Variants in SPAG16 observed in about 807,000 individuals in gnomAD.
The protein encoded by SPAG16 is sperm-associated antigen 16 protein.
In SPAG16, 86 loss-of-function variants were observed where a neutral mutation model predicts 80.4. That is an observed-to-expected ratio of 1.07 (90% CI 0.90 to 1.28). The LOEUF (loss-of-function observed/expected upper bound fraction) is 1.28. SPAG16 is among the 50% of genes most tolerant of loss of function. The probability of loss-of-function intolerance (pLI) is 0.00; values close to 1 mark genes in which losing one functional copy is unlikely to be tolerated. For missense variants in SPAG16, 870 were observed against 765.3 expected, an observed-to-expected ratio of 1.14 and a Z score of -1.61; for synonymous variants, 294 against 265.9, an observed-to-expected ratio of 1.11 and a Z score of -1.03.
chr2:213,997,799 C>A (rs1369739798), intron 12 of SPAG16, among the ~76,000 whole-genome samples: 1 of 152,104 alleles, frequency 6.6e-6, no homozygotes, highest in East Asian at 1.9e-4. Context: ...TTATGTTGGA[C>A]CACATTCAGA....
At chr2:214,373,273 G>C (rs1699928309) in intron 15 of SPAG16, among the ~76,000 whole-genome samples, 1 of 152,090 alleles carries the variant, frequency 6.6e-6, no homozygotes, top group Non-Finnish European at 1.5e-5. Flanking sequence ...AAAGATAATA[G>C]GGCAGTGCTA....
intron 11 of SPAG16, among the ~76,000 whole-genome samples, chr2:213,889,477 A>AGTAATGCT: frequency 6.6e-6 from 1 of 151,608 alleles, no homozygotes; most frequent in East Asian, 1.9e-4. Flanking sequence ...TAGGGGAAAT[A>AGTAATGCT]GTAATGCTGA....
intron 13 of SPAG16, among the ~76,000 whole-genome samples, chr2:214,103,053 G>C: frequency 6.6e-6 from 1 of 152,098 alleles, no homozygotes; most frequent in East Asian, 1.9e-4. Flanking sequence ...AGTGTGTTTA[G>C]GGAGGTATAT....
chr2:213,847,540 G>A (rs946958856), intron 10 of SPAG16, among the ~76,000 whole-genome samples: 3 of 152,144 alleles, frequency 2.0e-5, no homozygotes, highest in African/African-American at 7.2e-5. Context: ...AGCTCACTTA[G>A]CACCAAAGGG....
rs942646082 is a variant in SPAG16, at chr2:213,293,785, G to A, written c.137-2279G>A. 1.6e-4 allele frequency among the ~76,000 whole-genome samples: 24 copies of A among 152,202 alleles called. No homozygotes were observed. In the East Asian group the frequency reaches 2.9e-3, roughly 18 times the overall value. ...AAATGCTTATTGTTCCTTTTTCAGC[G>A]TTATTGAGTTGTAATTGACAACATT... On this transcript the variant is annotated intron_variant, in intron 1 of 15. Transcript: ENST00000331683.
intron 11 of SPAG16, among the ~76,000 whole-genome samples, chr2:213,926,485 C>T (rs917571527): frequency 1.1e-4 from 16 of 152,204 alleles, no homozygotes; most frequent in East Asian, 3.9e-4. Context: ...TGAGTGAGAA[C>T]ATATCATGTT....
At chr2:214,359,330 A>G (rs563885659) in intron 15 of SPAG16, among the ~76,000 whole-genome samples, 1 of 151,984 alleles carries the variant, frequency 6.6e-6, no homozygotes, top group East Asian at 1.9e-4. Flanking sequence ...CTGACTGCAG[A>G]TCCTATACCC....
chr2:214,108,214 C>T lies in SPAG16; in HGVS notation c.1546C>T (p.Leu516Phe). The T allele has an allele frequency of 6.3e-7, 1 of 1,599,138 alleles. No individual in the cohort carries two copies. The highest frequency in any genetic ancestry group is 8.6e-7 in the Non-Finnish European group (1 of 1,169,154). ...DARTGICEQS[L>F]YGHMHSINDA... ...TTCCTAGGGTATATGTGAGCAGTCA[C>T]TTTATGGTCACATGCATTCTATCAA... is the stretch of plus-strand genomic sequence containing the variant. The change falls in exon 14 of 16, where the codon CTT becomes TTT. Residue 516 changes from leucine (L) to phenylalanine (F), a missense_variant. By Grantham distance (22) the Leu-to-Phe change is conservative. Transcript: ENST00000331683.
chr2:214,324,641 G>T (rs1696345496), intron 15 of SPAG16, among the ~76,000 whole-genome samples: 1 of 152,066 alleles, frequency 6.6e-6, no homozygotes, highest in Non-Finnish European at 1.5e-5. Context: ...CCACGTCTGT[G>T]TAGCATCTCC....
chr2:213,587,322 T>C (rs2060508154), intron 10 of SPAG16, among the ~76,000 whole-genome samples: 1 of 152,150 alleles, frequency 6.6e-6, no homozygotes, highest in South Asian at 2.1e-4. Context: ...GAGCTGGTAC[T>C]TGGGTCAGCT....
At chr2:213,892,615 A>G (rs2076828050) in intron 11 of SPAG16, among the ~76,000 whole-genome samples, 1 of 152,158 alleles carries the variant, frequency 6.6e-6, no homozygotes, top group South Asian at 2.1e-4. Context: ...AGAGATTAAA[A>G]TAATTAAAAA....
chr2:214,263,230 C>T (rs1691309196), intron 15 of SPAG16, among the ~76,000 whole-genome samples: 1 of 152,082 alleles, frequency 6.6e-6, no homozygotes, highest in African/African-American at 2.4e-5. Flanking sequence ...GGTGCAATGA[C>T]CCCACACATG....
intron 13 of SPAG16, among the ~76,000 whole-genome samples, chr2:214,021,930 T>G (rs2047888663): frequency 6.6e-6 from 1 of 152,106 alleles, no homozygotes; most frequent in Non-Finnish European, 1.5e-5. Flanking sequence ...TACTATTTCA[T>G]CTGCCTGACA....
At chr2:213,299,304 T>C (rs1264017606) in intron 3 of SPAG16, among the ~76,000 whole-genome samples, 2 of 151,836 alleles carry the variant, frequency 1.3e-5, no homozygotes, top group Non-Finnish European at 2.9e-5. Context: ...TCTTATGATT[T>C]CCTTTTTTTT....
At chr2:214,402,363 G>A (rs770444804) in intron 15 of SPAG16, among the ~76,000 whole-genome samples, 13 of 151,804 alleles carry the variant, frequency 8.6e-5, no homozygotes, top group Admixed American at 4.6e-4. Context: ...ATTGACAACC[G>A]AGGTCCAATA....
intron 15 of SPAG16, among the ~76,000 whole-genome samples, chr2:214,151,251 ATTG>A (rs1164621046): frequency 6.6e-6 from 1 of 152,094 alleles, no homozygotes; most frequent in Non-Finnish European, 1.5e-5. Flanking sequence ...TATATCAAAA[ATTG>A]AAGAAACTGG....
intron 10 of SPAG16, among the ~76,000 whole-genome samples, chr2:213,659,064 C>A (rs1342265701): frequency 6.6e-6 from 1 of 152,078 alleles, no homozygotes; most frequent in Non-Finnish European, 1.5e-5. Context: ...ACACTAATAG[C>A]CACTCTGTTG....
intron 10 of SPAG16, among the ~76,000 whole-genome samples, chr2:213,753,139 A>G (rs1228433180): frequency 2.0e-5 from 3 of 152,032 alleles, no homozygotes; most frequent in Non-Finnish European, 4.4e-5. Flanking sequence ...CAGCCTCCCG[A>G]GTAGCTGGGA....
At chr2:214,385,993 C>T (rs4276027) in intron 15 of SPAG16, among the ~76,000 whole-genome samples, 131,513 of 152,216 alleles carry the variant, frequency 0.86, 56,902 homozygotes, top group Middle Eastern at 0.89. Context: ...GTCTCTTTTT[C>T]GGGATCTTGA....
Sources: allele counts gnomAD v4.1 joint callset (sites outside exome capture counted in the v4.1 genomes callset), GRCh38; gene constraint gnomAD v4.1.1; transcripts MANE v1.5; gene names NCBI Gene and HGNC (gene_info 2026-07-23, HGNC 2026-07-21).